Variants in CASC3 observed in about 807,000 individuals in gnomAD.
CASC3 encodes protein CASC3.
CASC3 carries 30 observed loss-of-function variants against 80.5 expected under a neutral mutation model. The observed-to-expected ratio is 0.37, with a 90% CI of 0.28 to 0.51. CASC3 has a LOEUF of 0.51. Ranked by LOEUF, CASC3 falls within the 20% of genes least tolerant of loss-of-function variation. The pLI is 0.94. For synonymous variants in CASC3, 312 were observed against 333.6 expected (o/e 0.94, Z 0.70); for missense variants, 824 against 922.2 (o/e 0.89, Z 1.38).
intron 3 of CASC3, among the ~76,000 whole-genome samples, chr17:40,150,703 G>A (rs144065387): frequency 1.3e-5 from 2 of 152,120 alleles, no homozygotes; most frequent in Admixed American, 1.3e-4. Context: ...AGGAATAAGA[G>A]GCATTTTTTT....
rs1988845321 is a variant in CASC3 at position 40,145,791 on chromosome 17, T to G, written c.297+4184T>G. On this transcript the variant is annotated intron_variant, in intron 3 of 13. Transcript: ENST00000264645. The stretch of plus-strand genomic sequence containing the variant: ...AAATTTTTATTTACTGTTTTTTGTT[T>G]GTTTGTTTTTTTAATTTTTAGTAGA... Among the ~76,000 whole-genome samples, 3 of 152,092 alleles carry G rather than the reference T, an allele frequency of 2.0e-5. No homozygotes were observed. In the South Asian group the frequency reaches 6.3e-4, roughly 32 times the overall value.
intron 3 of CASC3, among the ~76,000 whole-genome samples, chr17:40,147,650 A>G (rs1279645241): frequency 6.6e-6 from 1 of 152,132 alleles, no homozygotes; most frequent in Non-Finnish European, 1.5e-5. Context: ...TGACTCAGAA[A>G]AAGAAAAAGG....
chr17:40,157,866 C>T (rs562798730), intron 3 of CASC3, among the ~76,000 whole-genome samples: 1 of 152,108 alleles, frequency 6.6e-6, no homozygotes, highest in African/African-American at 2.4e-5. Context: ...TACAATGAAG[C>T]TAGAGAAAAG....
intron 3 of CASC3, among the ~76,000 whole-genome samples, chr17:40,154,640 A>C (rs1191837261): frequency 6.7e-6 from 1 of 149,490 alleles, no homozygotes; most frequent in Non-Finnish European, 1.5e-5. Flanking sequence ...CTTTCTGTGG[A>C]TTGTTCACTT....
intron 3 of CASC3, among the ~76,000 whole-genome samples, chr17:40,159,552 T>TTG (rs1555550613): frequency 1.3e-5 from 2 of 148,326 alleles, no homozygotes; most frequent in African/African-American, 5.0e-5. Flanking sequence ...GTGTTTTTTT[T>TTG]TTTTTTTTTT....
At chr17:40,144,904 AGGCT>A (rs1360151236) in intron 3 of CASC3, among the ~76,000 whole-genome samples, 1 of 148,864 alleles carries the variant, frequency 6.7e-6, no homozygotes, top group East Asian at 2.0e-4. Flanking sequence ...TCTGTTACCC[AGGCT>A]GGAGTGCAAT....
At chr17:40,157,732 A>G in intron 3 of CASC3, among the ~76,000 whole-genome samples, 1 of 152,160 alleles carries the variant, frequency 6.6e-6, no homozygotes, top group East Asian at 1.9e-4. Context: ...TGCAGTAAGA[A>G]TTCCAAGTAT....
intron 13 of CASC3, among the ~76,000 whole-genome samples, chr17:40,170,016 A>G (rs749104816): frequency 3.7e-4 from 56 of 152,178 alleles, no homozygotes; most frequent in Non-Finnish European, 5.7e-4. Context: ...TTGGCCTCCC[A>G]AAGTGTTGGG....
chr17:40,140,911 G>A (rs1988696768), intron 1 of CASC3, 132 bp downstream of exon 1: 2 of 735,016 alleles, frequency 2.7e-6, no homozygotes, highest in African/African-American at 1.8e-5. Flanking sequence ...AGAGAAAAGG[G>A]GAGTTATCCC....
Position 40,164,139 on chromosome 17 carries a change from T to C in CASC3, c.1444T>C (p.Ser482Pro), listed in dbSNP as rs1210057760. ...AEQNWSPGQP[S>P]FLQPRELRGM... ...ACAGAATTGGAGTCCGGGGCAGCCT[T>C]CTTTCCTGCAACCACGGGAACTTCG... Residue 482 changes from serine (S) to proline (P), a missense_variant, in exon 7 of 14, where the codon TCT (serine) becomes CCT (proline). Coordinates refer to ENST00000264645, the MANE Select transcript of CASC3 (RefSeq NM_007359.5). The C allele has an allele frequency of 3.7e-6, 6 of 1,608,550 alleles. No homozygotes were observed. Among genetic ancestry groups the C allele is most frequent in the Non-Finnish European group, 5.1e-6 (6 of 1,178,502 alleles).
intron 3 of CASC3, among the ~76,000 whole-genome samples, chr17:40,142,692 T>C (rs1049274791): frequency 2.0e-5 from 3 of 151,766 alleles, no homozygotes; most frequent in African/African-American, 7.3e-5. Context: ...ATCGAAACCG[T>C]CCTGGCTAAC....
Position 40,161,788 on chromosome 17 carries a change from C to T in CASC3, c.333C>T (p.Ser111=), listed in dbSNP as rs1193486516. Reference sequence around the variant, plus strand: ...GTGAATACAGTGAAGAGGAAAACTCCAAAGTGGAGCTGAAATCAGAAGCTA... The same window carrying T: ...GTGAATACAGTGAAGAGGAAAACTCTAAAGTGGAGCTGAAATCAGAAGCTA... ...EEGEYSEEEN[S]KVELKSEAND... Residue 111 remains serine (S), a synonymous_variant, in exon 4 of 14, where the codon TCC becomes TCT. Transcript: ENST00000264645. 1.2e-6 allele frequency: 2 copies of T among 1,614,046 alleles called. No homozygotes were observed. Among genetic ancestry groups the T allele is most frequent in the Non-Finnish European group, 1.7e-6 (2 of 1,180,024 alleles).
chr17:40,155,961 T>C (rs1025846985), intron 3 of CASC3, among the ~76,000 whole-genome samples: 1 of 152,206 alleles, frequency 6.6e-6, no homozygotes, highest in Non-Finnish European at 1.5e-5. Context: ...GGAAACAAAA[T>C]TAGTTTTTCA....
At chr17:40,168,004 G>A (rs1181969871) in intron 10 of CASC3, 56 bp downstream of exon 10, 8 of 1,543,212 alleles carry the variant, frequency 5.2e-6, no homozygotes, top group African/African-American at 1.4e-5. Context: ...TATGTTGGGA[G>A]TGCCACAAAA....
rs1441769421 is a variant in CASC3 at position 40,167,343 on chromosome 17, A to C, written c.1537-155A>C. ...TGTAAGGTAGAAGGTTTAGGTTCAAATCTTGATATCTTTTCATTATTTTTC... is the reference window on the plus strand; with the variant it reads ...TGTAAGGTAGAAGGTTTAGGTTCAACTCTTGATATCTTTTCATTATTTTTC... On this transcript the variant is annotated intron_variant, in intron 8 of 13. Transcript: ENST00000264645. The C allele has an allele frequency of 8.3e-6, 5 of 604,832 alleles. No homozygotes were observed. In the South Asian group the frequency reaches 1.0e-4, roughly 13 times the overall value. The allele number at this position is 604,832 out of a possible 1,614,324, so 37.5% of individuals were successfully genotyped here. A position where few individuals can be genotyped will look rare whatever the true frequency, so the allele number is the denominator to read the frequency against.
intron 3 of CASC3, among the ~76,000 whole-genome samples, chr17:40,161,306 G>A (rs2075400170): frequency 6.6e-6 from 1 of 152,100 alleles, no homozygotes; most frequent in Admixed American, 6.6e-5. Flanking sequence ...CTAGAAATAT[G>A]GGTAAGAATA....
intron 3 of CASC3, among the ~76,000 whole-genome samples, chr17:40,152,654 G>T (rs757831078): frequency 3.3e-5 from 5 of 151,704 alleles, no homozygotes; most frequent in Admixed American, 6.6e-5. Flanking sequence ...TTTTGTAGAG[G>T]CAAAGAATCG....
chr17:40,145,530 C>CTTGGGAGTAA lies in CASC3; in HGVS notation c.297+3926_297+3935dup, dbSNP rs564327234. 1.4e-3 allele frequency among the ~76,000 whole-genome samples: 210 copies of CTTGGGAGTAA among 152,008 alleles called. 3 individuals carry two copies. The South Asian group carries it at 0.041, about 30-fold the overall frequency. On this transcript the variant is annotated intron_variant, in intron 3 of 13. Transcript: ENST00000264645. ...AGAGAAGATAGAGAGCGTTTGGGAACTTGGGAGTAATTAGGTGTGACTGGA... is the reference window on the plus strand; with the variant it reads ...AGAGAAGATAGAGAGCGTTTGGGAACTTGGGAGTAATTGGGAGTAATTAGGTGTGACTGGA...
intron 3 of CASC3, among the ~76,000 whole-genome samples, chr17:40,159,568 C>T (rs1380031765): frequency 7.4e-6 from 1 of 135,964 alleles, no homozygotes; most frequent in Non-Finnish European, 1.6e-5. Flanking sequence ...TTTTTTGAGA[C>T]AGGATCTCTC....
Sources: allele counts gnomAD v4.1 joint callset (sites outside exome capture counted in the v4.1 genomes callset), GRCh38; gene constraint gnomAD v4.1.1; transcripts MANE v1.5; gene names NCBI Gene and HGNC (gene_info 2026-07-23, HGNC 2026-07-21).